The following MRAP2 variants were observed in gnomAD, a reference collection of about 807,000 sequenced individuals.
MRAP2 encodes melanocortin 2 receptor accessory protein 2.
MRAP2 carries 20 observed loss-of-function variants against 17.4 expected under a neutral mutation model. That is an observed-to-expected ratio of 1.15 (90% CI 0.81 to 1.67). The LOEUF (loss-of-function observed/expected upper bound fraction) is 1.67, where lower values mean the gene tolerates loss of function less well. MRAP2 is among the 40% of genes most tolerant of loss of function. The pLI is 0.00. For missense variants in MRAP2, 238 were observed against 240.0 expected, an observed-to-expected ratio of 0.99 and a Z score of 0.05; for synonymous variants, 96 against 88.4, an observed-to-expected ratio of 1.09 and a Z score of -0.48.
At chr6:84,104,172 C>T in the MRAP2 span, among the ~76,000 whole-genome samples, 1 of 152,238 alleles carries the variant, frequency 6.6e-6, no homozygotes, top group East Asian at 1.9e-4. Flanking sequence ...CCTCTGAAGC[C>T]ACAGGCCGAG....
intron 3 of MRAP2, among the ~76,000 whole-genome samples, chr6:84,077,822 C>T (rs148522196): frequency 7.9e-5 from 12 of 152,138 alleles, no homozygotes; most frequent in Non-Finnish European, 1.5e-4. Flanking sequence ...CAATATGGAG[C>T]GTGTCTTCAA....
chr6:84,096,380 G>A, the MRAP2 span, among the ~76,000 whole-genome samples: 2 of 152,178 alleles, frequency 1.3e-5, no homozygotes, highest in East Asian at 1.9e-4. Context: ...AATGTTGTTC[G>A]ACTTCATTCC....
intron 1 of MRAP2, among the ~76,000 whole-genome samples, chr6:84,039,760 A>C (rs922679543): frequency 7.9e-5 from 12 of 152,346 alleles, no homozygotes; most frequent in African/African-American, 2.9e-4. Context: ...CAAAAATAAC[A>C]ATCACTGGAA....
the MRAP2 span, among the ~76,000 whole-genome samples, chr6:84,137,158 C>T: frequency 6.6e-6 from 1 of 152,194 alleles, no homozygotes; most frequent in Non-Finnish European, 1.5e-5. Context: ...TGGACAGCTC[C>T]TGGACAACTA....
At chr6:84,105,848 CT>C in the MRAP2 span, among the ~76,000 whole-genome samples, 1 of 152,248 alleles carries the variant, frequency 6.6e-6, no homozygotes, top group South Asian at 2.1e-4. Flanking sequence ...GTATGCTTCC[CT>C]CTGGAACTAA....
At chr6:84,049,714 T>C (rs543156212) in intron 1 of MRAP2, among the ~76,000 whole-genome samples, 5 of 152,312 alleles carry the variant, frequency 3.3e-5, no homozygotes, top group Admixed American at 6.5e-5. Flanking sequence ...TATGTTAAGA[T>C]GGAAGAAGTC....
intron 1 of MRAP2, among the ~76,000 whole-genome samples, chr6:84,034,591 C>G (rs1015710139): frequency 1.3e-5 from 2 of 150,622 alleles, no homozygotes; most frequent in Admixed American, 6.7e-5. Flanking sequence ...CTGCAGAAAC[C>G]TGTTTGGAGG....
At chr6:84,115,881 G>A in the MRAP2 span, among the ~76,000 whole-genome samples, 1 of 152,092 alleles carries the variant, frequency 6.6e-6, no homozygotes, top group African/African-American at 2.4e-5. Flanking sequence ...GCCCCACCCT[G>A]CTTCAGCTTG....
At chr6:84,138,344 G>A in the MRAP2 span, among the ~76,000 whole-genome samples, 9 of 152,176 alleles carry the variant, frequency 5.9e-5, no homozygotes, top group East Asian at 1.9e-4. Context: ...CCAGTTTATT[G>A]CCTGGAGGCA....
intron 1 of MRAP2, among the ~76,000 whole-genome samples, chr6:84,048,336 A>G (rs1375890648): frequency 6.6e-6 from 1 of 152,174 alleles, no homozygotes. Flanking sequence ...GTATCTCATT[A>G]TGAAGCATTT....
intron 1 of MRAP2, among the ~76,000 whole-genome samples, chr6:84,040,990 C>T (rs2321193): frequency 0.016 from 2,425 of 152,264 alleles, 66 homozygotes; most frequent in African/African-American, 0.054. Flanking sequence ...ATGTCGGAGA[C>T]CTTTGTAGCA....
chr6:84,033,853 G>A lies in MRAP2; in HGVS notation c.-38G>A, dbSNP rs1255576302. The A allele has an allele frequency of 7.1e-6, 7 of 986,778 alleles. No individual in the cohort carries two copies. The African/African-American group carries it at 1.2e-4, about 17-fold the overall frequency. 61.1% of individuals were successfully genotyped at this position (986,778 alleles called of 1,614,324 possible). The stretch of plus-strand genomic sequence containing the variant: ...GGAGGAGCCAGGAGCCGGAACCAGG[G>A]CCGAGCCCGCGGGCCGGGGCTAGCC... On this transcript the variant is annotated 5_prime_UTR_variant, in exon 1 of 4. Coordinates refer to ENST00000257776, the MANE Select transcript of MRAP2 (RefSeq NM_138409.4).
At chr6:84,139,316 T>C in the MRAP2 span, among the ~76,000 whole-genome samples, 2 of 152,220 alleles carry the variant, frequency 1.3e-5, no homozygotes, top group African/African-American at 4.8e-5. Flanking sequence ...GTCCTTTCTT[T>C]ATCTACAAAT....
chr6:84,033,394 T>TGG (rs112822319), upstream of MRAP2, among the ~76,000 whole-genome samples: 16 of 152,188 alleles, frequency 1.1e-4, no homozygotes, highest in African/African-American at 3.6e-4. Context: ...CAGCACATTA[T>TGG]GGGGGGGCTC....
At chr6:84,132,573 C>T in the MRAP2 span, among the ~76,000 whole-genome samples, 55 of 152,294 alleles carry the variant, frequency 3.6e-4, no homozygotes, top group African/African-American at 1.3e-3. Flanking sequence ...AACTTCTCTT[C>T]TCACTTCATT....
At chr6:84,051,321 C>CCAGG (rs2099490354) in intron 1 of MRAP2, among the ~76,000 whole-genome samples, 1 of 152,186 alleles carries the variant, frequency 6.6e-6, no homozygotes, top group African/African-American at 2.4e-5. Flanking sequence ...TTTAGAAGGC[C>CCAGG]CAGGCAGGCA....
intron 3 of MRAP2, among the ~76,000 whole-genome samples, chr6:84,086,689 C>T (rs6928025): frequency 0.13 from 19,715 of 152,068 alleles, 1,318 homozygotes; most frequent in Middle Eastern, 0.23. Flanking sequence ...GGGAGGAAGC[C>T]AGAAGGGAGG....
At position 84,063,441 on chromosome 6, in the gene MRAP2, C is replaced by G. The variant is rs2099493696; in HGVS notation, c.227+449C>G. On this transcript the variant is annotated intron_variant, in intron 3 of 3. Transcript: ENST00000257776. ...TTCCTGGATACTCAACTCAATTTAA[C>G]TATTGACAATGATTAATAAATTTAA... is the stretch of plus-strand genomic sequence containing the variant. The G allele has an allele frequency of 4.1e-6, 4 of 980,826 alleles. No individual in the cohort carries two copies. The South Asian group carries it at 1.4e-4, about 35-fold the overall frequency. The allele number at this position is 980,826 out of a possible 1,614,324, so 60.8% of individuals were successfully genotyped here.
At position 84,062,993 on chromosome 6, in the gene MRAP2, G is replaced by A. The variant is rs771113428; in HGVS notation, c.227+1G>A. 3 of 1,614,158 alleles carry A rather than the reference G, an allele frequency of 1.9e-6. No homozygotes were observed. Among genetic ancestry groups the A allele is most frequent in the Non-Finnish European group, 1.7e-6 (2 of 1,180,006 alleles). ...CCAAGACAGGAGCCCCACACCAAGA[G>A]TAAGTTTGGGCTGTTCCTAAATGTC... On this transcript the variant is annotated splice_donor_variant, in intron 3 of 3. Transcript: ENST00000257776. LOFTEE classifies it high-confidence loss of function.
Sources: allele counts gnomAD v4.1 joint callset (sites outside exome capture counted in the v4.1 genomes callset), GRCh38; gene constraint gnomAD v4.1.1; transcripts MANE v1.5; gene names NCBI Gene and HGNC (gene_info 2026-07-23, HGNC 2026-07-21).